Variants in CD38 observed in about 807,000 individuals in gnomAD.
The protein encoded by CD38 is ADP-ribosyl cyclase/cyclic ADP-ribose hydrolase 1.
In CD38, 31 loss-of-function variants were observed where a neutral mutation model predicts 36.3. The observed-to-expected ratio is 0.85, with a 90% CI of 0.64 to 1.15. The LOEUF (loss-of-function observed/expected upper bound fraction) is 1.15, where lower values mean the gene tolerates loss of function less well. Among genes scored for constraint, CD38 ranks in the 50% most tolerant of loss-of-function variants. The pLI, the probability that CD38 is intolerant of heterozygous loss-of-function variation, is 0.00. For missense variants in CD38, 380 were observed against 371.9 expected, an observed-to-expected ratio of 1.02 and a Z score of -0.18; for synonymous variants, 131 against 135.2, an observed-to-expected ratio of 0.97 and a Z score of 0.22.
intron 1 of CD38, among the ~76,000 whole-genome samples, chr4:15,787,090 C>T (rs572304526): frequency 6.6e-6 from 1 of 152,344 alleles, no homozygotes; most frequent in East Asian, 1.9e-4. Flanking sequence ...GCCTCTCTCT[C>T]TACACCTCCG....
At chr4:15,831,227 C>A (rs1259299456) in intron 3 of CD38, among the ~76,000 whole-genome samples, 1 of 152,070 alleles carries the variant, frequency 6.6e-6, no homozygotes, top group African/African-American at 2.4e-5. Flanking sequence ...TCTTATTGTA[C>A]TTTATATGTC....
In CD38 at chr4:15,778,456, C is replaced by G; in HGVS notation, c.42C>G (p.Pro14=). 1 of 1,614,040 alleles carries G rather than the reference C, an allele frequency of 6.2e-7. No homozygotes were observed. Among genetic ancestry groups the G allele is most frequent in the Non-Finnish European group, 8.5e-7 (1 of 1,180,010 alleles). ...TCAGCCCGGTGTCCGGGGACAAACCCTGCTGCCGGCTCTCTAGGAGAGCCC... is the reference window on the plus strand; with the variant it reads ...TCAGCCCGGTGTCCGGGGACAAACCGTGCTGCCGGCTCTCTAGGAGAGCCC... The part of the protein sequence containing the change: ...CEFSPVSGDK[P]CCRLSRRAQL... The change falls in exon 1 of 8, where the codon CCC becomes CCG. Residue 14 remains proline (P), a synonymous_variant. Coordinates refer to ENST00000226279, the MANE Select transcript of CD38 (RefSeq NM_001775.4). This position sits in a 1 kb window ranked among gnomAD's most constrained non-coding sequence, Gnocchi z 4.9.
chr4:15,828,451 T>C (rs1240005631), intron 3 of CD38, among the ~76,000 whole-genome samples: 1 of 152,194 alleles, frequency 6.6e-6, no homozygotes, highest in Non-Finnish European at 1.5e-5. Flanking sequence ...CTAACTGAGA[T>C]TTTGTACTCT....
Position 15,778,716 on chromosome 4 carries a change from G to T in CD38, c.233+69G>T. The T allele has an allele frequency of 1.9e-6, 2 of 1,076,430 alleles. No homozygotes were observed. The highest frequency in any genetic ancestry group is 2.5e-5 in the East Asian group (1 of 40,200). 66.7% of individuals were successfully genotyped at this position (1,076,430 alleles called of 1,614,324 possible). ...GCAGGGCCCCGCGCGCAGGGAAGCC[G>T]CCCGGATCGCCCGGAACCGGGCATC... On this transcript the variant is annotated intron_variant, in intron 1 of 7. Transcript: ENST00000226279. This position sits in a 1 kb window ranked among gnomAD's most constrained non-coding sequence, Gnocchi z 4.9.
In CD38 at chr4:15,849,379, A is replaced by G. The variant is rs548020703; in HGVS notation, c.*777A>G. The G allele has an allele frequency of 3.7e-4, 57 of 152,330 alleles. No homozygotes were observed. Among genetic ancestry groups the G allele is most frequent in the African/African-American group, 1.3e-3 (54 of 41,580 alleles). 9.4% of individuals were successfully genotyped at this position (152,330 alleles called of 1,614,324 possible). A position where few individuals can be genotyped will look rare whatever the true frequency, so the allele number is the denominator to read the frequency against. On this transcript the variant is annotated 3_prime_UTR_variant, in exon 8 of 8. Coordinates refer to ENST00000226279, the MANE Select transcript of CD38 (RefSeq NM_001775.4). ...TCAACTCTGTCCAACTCCAAAATTC[A>G]TGTGCTTTTTCCTTCTAGGCCTTTC...
At chr4:15,787,047 A>C (rs375002058) in intron 1 of CD38, among the ~76,000 whole-genome samples, 1 of 152,318 alleles carries the variant, frequency 6.6e-6, no homozygotes, top group African/African-American at 2.4e-5. Context: ...TGGGGAGCCC[A>C]CGCCCACCTG....
chr4:15,829,198 T>A (rs1281066892), intron 3 of CD38, among the ~76,000 whole-genome samples: 1 of 152,160 alleles, frequency 6.6e-6, no homozygotes, highest in Non-Finnish European at 1.5e-5. Flanking sequence ...GAGTTCCTTA[T>A]GTATTTTGTT....
At chr4:15,780,532 A>ACACACACACACACACACACACACACGCG (rs1560303827) in intron 1 of CD38, among the ~76,000 whole-genome samples, 1 of 145,632 alleles carries the variant, frequency 6.9e-6, no homozygotes, top group African/African-American at 2.6e-5. Context: ...ACACACACAC[A>ACACACACACACACACACACACACACGCG]CACACACACA....
In CD38 at chr4:15,840,100, GTGGAAGAGAAGATTCCAGGTATATCT is replaced by G; in HGVS notation, c.736_752+9del. 6.2e-7 allele frequency: 1 copy of G among 1,610,818 alleles called. No homozygotes were observed. On this transcript the variant is annotated splice_donor_variant and splice_donor_5th_base_variant and coding_sequence_variant and intron_variant, in exon 6 of 8. Transcript: ENST00000226279. LOFTEE classifies it high-confidence loss of function. ...ACACTAGAGGCCTGGGTGATACATG[GTGGAAGAGAAGATTCCAGGTATATCT>G]TACTACTTTGTACCCAAGTGTTATT...
chr4:15,803,890 G>A (rs1376749736), intron 1 of CD38, among the ~76,000 whole-genome samples: 2 of 152,106 alleles, frequency 1.3e-5, no homozygotes, highest in African/African-American at 4.8e-5. Flanking sequence ...ACTTATAAGT[G>A]AGAAATGTAG....
chr4:15,848,477 C>T (rs768555910), intron 7 of CD38, 62 bp from the exon 8 acceptor site: 13 of 1,283,830 alleles, frequency 1.0e-5, no homozygotes, highest in African/African-American at 1.5e-5. Context: ...CCTCCATTAG[C>T]GAATTGGACG....
At chr4:15,842,252 C>T (rs1290496048) in intron 7 of CD38, among the ~76,000 whole-genome samples, 1 of 130,472 alleles carries the variant, frequency 7.7e-6, no homozygotes, top group Non-Finnish European at 1.6e-5. Flanking sequence ...GTCCCTGACC[C>T]CTGACCCCCG....
chr4:15,789,064 G>A (rs7665330), intron 1 of CD38, among the ~76,000 whole-genome samples: 65,225 of 152,122 alleles, frequency 0.43, 16,119 homozygotes, highest in African/African-American at 0.69. Context: ...AGATAATTAA[G>A]TAATTCTTGG....
intron 7 of CD38, among the ~76,000 whole-genome samples, chr4:15,847,681 A>C (rs928066439): frequency 1.2e-4 from 18 of 149,802 alleles, no homozygotes; most frequent in Non-Finnish European, 2.5e-4. Flanking sequence ...GCATGGAGAA[A>C]ATAGAATAGT....
intron 1 of CD38, among the ~76,000 whole-genome samples, chr4:15,786,095 T>C (rs985335215): frequency 2.0e-5 from 3 of 152,074 alleles, no homozygotes; most frequent in Non-Finnish European, 4.4e-5. Context: ...TCGTGGTGAG[T>C]GTTACAGCTC....
intron 1 of CD38, among the ~76,000 whole-genome samples, chr4:15,812,559 G>T (rs762666627): frequency 1.3e-5 from 2 of 152,170 alleles, no homozygotes; most frequent in East Asian, 1.9e-4. Context: ...AAAAAACTGG[G>T]CATGGTGGCA....
chr4:15,783,022 AG>A (rs2148912942), intron 1 of CD38, among the ~76,000 whole-genome samples: 1 of 152,374 alleles, frequency 6.6e-6, no homozygotes, highest in East Asian at 1.9e-4. Context: ...GAGTTGAACC[AG>A]GGGCATTACA....
chr4:15,790,156 TCCC>T (rs1334050182), intron 1 of CD38, among the ~76,000 whole-genome samples: 1 of 12,964 alleles, frequency 7.7e-5, no homozygotes, highest in African/African-American at 1.4e-3. Context: ...CCTCTCCCTC[TCCC>T]CCTCTCCCTC....
intron 2 of CD38, among the ~76,000 whole-genome samples, chr4:15,818,116 G>C (rs1030171684): frequency 6.7e-6 from 1 of 149,996 alleles, no homozygotes; most frequent in African/African-American, 2.5e-5. Context: ...TGAAATTCTT[G>C]CTGCCAGCAC....
Sources: allele counts gnomAD v4.1 joint callset (sites outside exome capture counted in the v4.1 genomes callset), GRCh38; gene constraint gnomAD v4.1.1; non-coding constraint Gnocchi (gnomAD v3.1); transcripts MANE v1.5; gene names NCBI Gene and HGNC (gene_info 2026-07-23, HGNC 2026-07-21).